Variants in TFAP2D observed in about 807,000 individuals in gnomAD.
TFAP2D encodes transcription factor AP-2-delta.
In TFAP2D, 9 loss-of-function variants were observed where a neutral mutation model predicts 43.6. The observed-to-expected ratio is 0.21, with a 90% CI of 0.12 to 0.36. The LOEUF is 0.36. Ranked by LOEUF, TFAP2D falls within the 10% of genes least tolerant of loss-of-function variation. TFAP2D has a pLI of 1.00. For missense variants in TFAP2D, 513 were observed against 561.4 expected (o/e 0.91, Z 0.87); for synonymous variants, 256 against 224.9 (o/e 1.14, Z -1.24).
At chr6:50,739,361 G>A (rs1769006240) in intron 5 of TFAP2D, among the ~76,000 whole-genome samples, 1 of 152,002 alleles carries the variant, frequency 6.6e-6, no homozygotes, top group Non-Finnish European at 1.5e-5. Context: ...TCAGAATGAT[G>A]GTTTCCAGCT....
chr6:50,731,954 G>T (rs1246761322), intron 5 of TFAP2D, among the ~76,000 whole-genome samples: 1 of 151,836 alleles, frequency 6.6e-6, no homozygotes, highest in African/African-American at 2.4e-5. Flanking sequence ...CAGCATTTTT[G>T]GCAACTTGAT....
At chr6:50,742,184 T>G (rs2113881047) in intron 5 of TFAP2D, among the ~76,000 whole-genome samples, 1 of 152,154 alleles carries the variant, frequency 6.6e-6, no homozygotes. Context: ...AAAGCTTCTG[T>G]GGCATGATAT....
At chr6:50,759,617 TA>T (rs1769335227) in intron 7 of TFAP2D, among the ~76,000 whole-genome samples, 1 of 152,044 alleles carries the variant, frequency 6.6e-6, no homozygotes, top group Non-Finnish European at 1.5e-5. Flanking sequence ...GGGAGAAATG[TA>T]ACAAGATGGT....
chr6:50,744,875 A>G (rs955592864), intron 5 of TFAP2D, among the ~76,000 whole-genome samples: 1 of 151,748 alleles, frequency 6.6e-6, no homozygotes, highest in Non-Finnish European at 1.5e-5. Context: ...TTTCCCCTCA[A>G]TTTTCCACCT....
chr6:50,729,177 T>C lies in TFAP2D; in HGVS notation c.765-17T>C. The C allele has an allele frequency of 6.2e-7, 1 of 1,609,548 alleles. No homozygotes were observed. Among genetic ancestry groups the C allele is most frequent in the South Asian group, 1.1e-5 (1 of 90,384 alleles). On this transcript the variant is annotated splice_polypyrimidine_tract_variant and intron_variant, in intron 4 of 7. Coordinates refer to ENST00000008391, the MANE Select transcript of TFAP2D (RefSeq NM_172238.4). ...ATGTGAAATTTCAAAACCTAGTTTTTGTTTGTTTTTGTACAGAGCAAAATC... is the reference window on the plus strand; with the variant it reads ...ATGTGAAATTTCAAAACCTAGTTTTCGTTTGTTTTTGTACAGAGCAAAATC...
rs1768602013 is a variant in TFAP2D, at chr6:50,715,397, C to T, written c.321C>T (p.His107=). The change falls in exon 2 of 8, where the codon CAC becomes CAT. Residue 107 remains histidine (H), a synonymous_variant. Coordinates refer to ENST00000008391, the MANE Select transcript of TFAP2D (RefSeq NM_172238.4). ...AACAGTACTACCAGCAGATCCACCA[C>T]GGGGAGCCCACCGACTTTATTAACC... ...HSQQYYQQIH[H]GEPTDFINLH... 1 of 1,613,982 alleles carries T rather than the reference C, an allele frequency of 6.2e-7. No homozygotes were observed. The highest frequency in any genetic ancestry group is 8.5e-7 in the Non-Finnish European group (1 of 1,180,032).
chr6:50,734,720 G>A (rs1338263266), intron 5 of TFAP2D, among the ~76,000 whole-genome samples: 1 of 152,086 alleles, frequency 6.6e-6, no homozygotes, highest in Non-Finnish European at 1.5e-5. Context: ...TTGTGAGGAT[G>A]ACAGTGGGAT....
At chr6:50,733,986 ATGTGTGTGTGTGTGTGTG>A (rs34213110) in intron 5 of TFAP2D, among the ~76,000 whole-genome samples, 1 of 141,594 alleles carries the variant, frequency 7.1e-6, no homozygotes, top group Non-Finnish European at 1.6e-5. Context: ...CTTTCTGTGT[ATGTGTGTGTGTGTGTGTG>A]TGTGTGTGTG....
Position 50,714,107 on chromosome 6 carries a change from T to TA in TFAP2D, c.39+13_39+14insA. 4.7e-6 allele frequency: 4 copies of TA among 859,332 alleles called. No homozygotes were observed. The highest frequency in any genetic ancestry group is 6.3e-6 in the Non-Finnish European group (4 of 632,156). The allele number at this position is 859,332 out of a possible 1,614,324, so 53.2% of individuals were successfully genotyped here. A position where few individuals can be genotyped will look rare whatever the true frequency, so the allele number is the denominator to read the frequency against. The stretch of plus-strand genomic sequence containing the variant: ...CCACGATGCCGAGGTATTATTACTT[T>TA]TTTTTTTTTTTTTTTTTGAGCGCGC... On this transcript the variant is annotated intron_variant, in intron 1 of 7. Transcript: ENST00000008391.
chr6:50,742,615 TAGATAGATAGATAGATGATA>T (rs901913976), intron 5 of TFAP2D, among the ~76,000 whole-genome samples: 5 of 145,600 alleles, frequency 3.4e-5, no homozygotes, highest in African/African-American at 9.9e-5. Flanking sequence ...GATAGATAGA[TAGATAGATAGATAGATGATA>T]GATAGATAGA....
intron 3 of TFAP2D, among the ~76,000 whole-genome samples, 177 bp downstream of exon 3, chr6:50,719,327 T>A (rs1768678013): frequency 6.6e-6 from 1 of 152,170 alleles, no homozygotes; most frequent in Non-Finnish European, 1.5e-5. Context: ...CTTTCTTTCA[T>A]CAAGGTTTGA....
intron 5 of TFAP2D, among the ~76,000 whole-genome samples, chr6:50,739,723 C>T (rs569506704): frequency 6.6e-6 from 1 of 152,270 alleles, no homozygotes; most frequent in East Asian, 1.9e-4. Flanking sequence ...GGAGGGGATG[C>T]TTCACAAGAC....
rs557638534 is a variant in TFAP2D, at chr6:50,751,506, A to G, written c.1139+182A>G. Among the ~76,000 whole-genome samples the G allele has an allele frequency of 2.6e-5, 4 of 152,078 alleles. No individual in the cohort carries two copies. In the South Asian group the frequency reaches 6.2e-4, roughly 24 times the overall value. On this transcript the variant is annotated intron_variant, in intron 7 of 7. Coordinates refer to ENST00000008391, the MANE Select transcript of TFAP2D (RefSeq NM_172238.4). The stretch of plus-strand genomic sequence containing the variant: ...TATAAACAACAGAAATATATTTTTT[A>G]CAGTTTGGAGGCCTGGGAAGTCTGA...
At chr6:50,736,304 C>T (rs1768962229) in intron 5 of TFAP2D, among the ~76,000 whole-genome samples, 1 of 152,146 alleles carries the variant, frequency 6.6e-6, no homozygotes, top group African/African-American at 2.4e-5. Context: ...TTCCCTTTTA[C>T]ATACACACAT....
chr6:50,737,629 ATCTCTTTTATTC>A (rs757856428), intron 5 of TFAP2D, among the ~76,000 whole-genome samples: 57 of 152,262 alleles, frequency 3.7e-4, no homozygotes, highest in Non-Finnish European at 8.1e-4. Flanking sequence ...ATATGTGTGT[ATCTCTTTTATTC>A]ATTTTTAAAA....
At chr6:50,737,681 T>G (rs565488309) in intron 5 of TFAP2D, among the ~76,000 whole-genome samples, 1 of 152,336 alleles carries the variant, frequency 6.6e-6, no homozygotes, top group South Asian at 2.1e-4. Context: ...GATACTATTT[T>G]GCAATCAATT....
chr6:50,715,749 TCACA>T (rs928261975), intron 2 of TFAP2D, 136 bp downstream of exon 2: 9 of 428,596 alleles, frequency 2.1e-5, no homozygotes, highest in African/African-American at 9.9e-5. Flanking sequence ...TCTCTCTCTC[TCACA>T]CACACACACA....
intron 6 of TFAP2D, among the ~76,000 whole-genome samples, chr6:50,746,078 T>C (rs1769121524): frequency 6.6e-6 from 1 of 152,186 alleles, no homozygotes; most frequent in African/African-American, 2.4e-5. Context: ...CAATTCTTGT[T>C]ATCCTCTCAT....
At chr6:50,738,545 T>C (rs1350913392) in intron 5 of TFAP2D, among the ~76,000 whole-genome samples, 1 of 152,198 alleles carries the variant, frequency 6.6e-6, no homozygotes, top group Non-Finnish European at 1.5e-5. Context: ...ATGATCCATC[T>C]GGACTTTTGT....
Sources: allele counts gnomAD v4.1 joint callset (sites outside exome capture counted in the v4.1 genomes callset), GRCh38; gene constraint gnomAD v4.1.1; transcripts MANE v1.5; gene names NCBI Gene and HGNC (gene_info 2026-07-23, HGNC 2026-07-21).